Variants in RBPMS observed in about 807,000 individuals in gnomAD.
RBPMS encodes the protein RNA-binding protein with multiple splicing.
In RBPMS, 7 loss-of-function variants were observed where a neutral mutation model predicts 26.8. The ratio of observed to expected loss-of-function variants is 0.26; its 90% CI spans 0.15 to 0.49. RBPMS has a LOEUF of 0.49. Among genes scored for constraint, RBPMS ranks in the 20% least tolerant of loss-of-function variants. The pLI is 0.98. For synonymous variants in RBPMS, 96 were observed against 93.3 expected (o/e 1.03, Z -0.17); for missense variants, 186 against 250.0 (o/e 0.74, Z 1.73).
In RBPMS at chr8:30,541,378, C is replaced by G. The variant is rs1585819248; in HGVS notation, c.398-3116C>G. 2.0e-5 allele frequency among the ~76,000 whole-genome samples: 3 copies of G among 152,262 alleles called. No homozygotes were observed. The South Asian group carries it at 6.2e-4, about 32-fold the overall frequency. On this transcript the variant is annotated intron_variant, in intron 5 of 8. Transcript: ENST00000397323. ...TTTTCAGAATCCAATTTGAGCTCTT[C>G]TGGTTGCATATTCTCATGCTAAGAA...
chr8:30,427,165 A>G (rs1468028872), intron 1 of RBPMS, among the ~76,000 whole-genome samples: 1 of 152,080 alleles, frequency 6.6e-6, no homozygotes, highest in Non-Finnish European at 1.5e-5. Context: ...GAATTCAGCT[A>G]TTGTTCTTAA....
rs1194326898 is a variant in RBPMS, at chr8:30,570,799, T to TGAAATTTCTGTACAGTTTGGAGA, written c.*275_*297dup. 2 of 152,632 alleles carry TGAAATTTCTGTACAGTTTGGAGA rather than the reference T, an allele frequency of 1.3e-5. No homozygotes were observed. The highest frequency in any genetic ancestry group is 4.8e-5 in the African/African-American group (2 of 41,450). The allele number at this position is 152,632 out of a possible 1,614,324, so 9.5% of individuals were successfully genotyped here. A position where few individuals can be genotyped will look rare whatever the true frequency, so the allele number is the denominator to read the frequency against. On this transcript the variant is annotated 3_prime_UTR_variant, in exon 9 of 9. Coordinates refer to ENST00000397323, the MANE Select transcript of RBPMS (RefSeq NM_001008710.3). Reference sequence around the variant, plus strand: ...GCGTATTATTTGTGAATGCATGGTCTGAAATTTCTGTACAGTTTGGAGATA... The same window carrying TGAAATTTCTGTACAGTTTGGAGA: ...GCGTATTATTTGTGAATGCATGGTCTGAAATTTCTGTACAGTTTGGAGAGAAATTTCTGTACAGTTTGGAGATA...
chr8:30,474,832 C>T lies in RBPMS; in HGVS notation c.120C>T (p.Leu40=), dbSNP rs1156848393. The change falls in exon 2 of 9, where the codon CTC becomes CTT. Residue 40 remains leucine (L), a synonymous_variant. Coordinates refer to ENST00000397323, the MANE Select transcript of RBPMS (RefSeq NM_001008710.3). ...GLPLDIKPRE[L]YLLFRPFKGY... is the part of the protein sequence containing the mutation. ...CTCTGGATATCAAACCTCGGGAGCTCTATCTGCTTTTCAGACCATTTAAGG... is the reference window on the plus strand; with the variant it reads ...CTCTGGATATCAAACCTCGGGAGCTTTATCTGCTTTTCAGACCATTTAAGG... The T allele has an allele frequency of 6.2e-7, 1 of 1,611,214 alleles. No individual in the cohort carries two copies. The highest frequency in any genetic ancestry group is 1.7e-5 in the Admixed American group (1 of 60,012).
rs555190549 is a variant in RBPMS, at chr8:30,558,709, C to T, written c.529-178C>T. 129 of 669,458 alleles carry T rather than the reference C, an allele frequency of 1.9e-4. 1 individual carries two copies. Among genetic ancestry groups the T allele is most frequent in the South Asian group, 7.1e-4 (44 of 62,174 alleles). 41.5% of individuals were successfully genotyped at this position (669,458 alleles called of 1,614,324 possible). ...TGTGTGTTCATAATGGTGTGTGGAA[C>T]GCCTCTCAGGACACCGCTCTGATGC... On this transcript the variant is annotated intron_variant, in intron 6 of 8. Transcript: ENST00000397323.
At chr8:30,562,054 G>A (rs1000087464) in intron 7 of RBPMS, 10 of 985,120 alleles carry the variant, frequency 1.0e-5, no homozygotes, top group Admixed American at 6.1e-5. Context: ...TAATGGACCA[G>A]GCGCAGTGCC....
Position 30,385,074 on chromosome 8 carries a change from G to C in RBPMS, c.-19G>C, listed in dbSNP as rs1806848626. ...CCGCGCCCCAGCCCTGCCCGGCCCG[G>C]CGAGGAAGGACCGGGAAGATGAACA... On this transcript the variant is annotated 5_prime_UTR_variant, in exon 1 of 9. Coordinates refer to ENST00000397323, the MANE Select transcript of RBPMS (RefSeq NM_001008710.3). 1 of 1,505,576 alleles carries C rather than the reference G, an allele frequency of 6.6e-7. No individual in the cohort carries two copies. The highest frequency in any genetic ancestry group is 2.8e-5 in the East Asian group (1 of 35,320). The allele number at this position is 1,505,576 out of a possible 1,614,324, so 93.3% of individuals were successfully genotyped here. A position where few individuals can be genotyped will look rare whatever the true frequency, so the allele number is the denominator to read the frequency against.
chr8:30,557,503 A>T (rs1486627251), intron 6 of RBPMS, among the ~76,000 whole-genome samples: 1 of 152,172 alleles, frequency 6.6e-6, no homozygotes, highest in Non-Finnish European at 1.5e-5. Context: ...AAACAAGGAG[A>T]TGAGGCAGGA....
rs542320821 is a variant in RBPMS, at chr8:30,482,822, G to C, written c.246+3445G>C. Among the ~76,000 whole-genome samples the C allele has an allele frequency of 2.0e-5, 3 of 152,178 alleles. No homozygotes were observed. In the South Asian group the frequency reaches 6.2e-4, roughly 32 times the overall value. Reference sequence around the variant, plus strand: ...AACTCACTTTGTAATTTCTGTACCTGTTTTGAATTTCCAAGCTAAAGGAAG... The same window carrying C: ...AACTCACTTTGTAATTTCTGTACCTCTTTTGAATTTCCAAGCTAAAGGAAG... On this transcript the variant is annotated intron_variant, in intron 4 of 8. Transcript: ENST00000397323.
chr8:30,445,277 T>C (rs1813600961), intron 1 of RBPMS: 1 of 152,164 alleles, frequency 6.6e-6, no homozygotes, highest in Non-Finnish European at 1.5e-5. Context: ...CATGAAAGAA[T>C]AATGTGTGCT....
chr8:30,456,104 G>C (rs1365584250), intron 1 of RBPMS, among the ~76,000 whole-genome samples: 2 of 152,124 alleles, frequency 1.3e-5, no homozygotes, highest in Admixed American at 1.3e-4. Context: ...TTTGTTGTGT[G>C]TGTGTTTTTT....
Position 30,501,230 on chromosome 8 carries a change from C to T in RBPMS, c.247-3056C>T, listed in dbSNP as rs183878024. Among the ~76,000 whole-genome samples the T allele has an allele frequency of 2.8e-3, 429 of 151,808 alleles. 2 individuals carry two copies. The highest frequency in any genetic ancestry group is 5.2e-3 in the Non-Finnish European group (350 of 67,946). On this transcript the variant is annotated intron_variant, in intron 4 of 8. Coordinates refer to ENST00000397323, the MANE Select transcript of RBPMS (RefSeq NM_001008710.3). ...CATGGCATAAGAGGTCCTTTGTGAT[C>T]TCTCCCCAGTCTGCTTGTTCAGCCA...
chr8:30,491,628 A>C (rs1819404838), intron 4 of RBPMS, among the ~76,000 whole-genome samples: 1 of 151,966 alleles, frequency 6.6e-6, no homozygotes, highest in Non-Finnish European at 1.5e-5. Flanking sequence ...GTTTTTTTTC[A>C]ATTGTAGAGT....
intron 4 of RBPMS, among the ~76,000 whole-genome samples, chr8:30,493,195 T>G (rs1309093229): frequency 6.6e-6 from 1 of 152,182 alleles, no homozygotes; most frequent in Non-Finnish European, 1.5e-5. Flanking sequence ...TGTTTATAGG[T>G]TTTCCCCAAA....
rs1414321115 is a variant in RBPMS, at chr8:30,549,841, TTTC to T, written c.528+5220_528+5222del. On this transcript the variant is annotated intron_variant, in intron 6 of 8. Transcript: ENST00000397323. The stretch of plus-strand genomic sequence containing the variant: ...CTCTCTCTCTCTTTTCTTTCTTTTC[TTTC>T]TTTTCTTTCTTCTTTTTTTTTTCTG... Among the ~76,000 whole-genome samples the T allele has an allele frequency of 2.2e-4, 33 of 150,134 alleles. 1 individual carries two copies. The highest frequency in any genetic ancestry group is 7.4e-4 in the African/African-American group (30 of 40,350).
At chr8:30,568,311 A>T (rs944802918) in intron 8 of RBPMS, among the ~76,000 whole-genome samples, 5 of 152,124 alleles carry the variant, frequency 3.3e-5, no homozygotes, top group Non-Finnish European at 7.3e-5. Flanking sequence ...TAGGTCAAGG[A>T]GCTGCAGATG....
chr8:30,486,626 C>G (rs1265839781), intron 4 of RBPMS, among the ~76,000 whole-genome samples: 1 of 132,684 alleles, frequency 7.5e-6, no homozygotes, highest in South Asian at 2.3e-4. Context: ...GAGTGAGACT[C>G]TCTCTCAAAA....
chr8:30,537,226 A>G (rs1476567490), intron 5 of RBPMS, among the ~76,000 whole-genome samples: 1 of 152,278 alleles, frequency 6.6e-6, no homozygotes, highest in Non-Finnish European at 1.5e-5. Flanking sequence ...ATTGCATCGC[A>G]TGATTTCTTA....
intron 1 of RBPMS, among the ~76,000 whole-genome samples, chr8:30,389,354 G>C (rs1395167670): frequency 2.6e-5 from 4 of 152,174 alleles, no homozygotes; most frequent in African/African-American, 4.8e-5. Context: ...AGTGGCATTA[G>C]TTTTCAGATG....
chr8:30,419,450 A>ATTGTGTG (rs1554509328), intron 1 of RBPMS, among the ~76,000 whole-genome samples: 49 of 143,282 alleles, frequency 3.4e-4, no homozygotes, highest in South Asian at 2.7e-3. Context: ...CATCTCAAAA[A>ATTGTGTG]TGTGTGTGTG....
Sources: allele counts gnomAD v4.1 joint callset (sites outside exome capture counted in the v4.1 genomes callset), GRCh38; gene constraint gnomAD v4.1.1; transcripts MANE v1.5; gene names NCBI Gene and HGNC (gene_info 2026-07-23, HGNC 2026-07-21).